The following ARID4B variants were observed in gnomAD, a reference collection of about 807,000 sequenced individuals.
ARID4B encodes the protein AT-rich interaction domain 4B.
In ARID4B, 26 loss-of-function variants were observed where a neutral mutation model predicts 147.5. That is an observed-to-expected ratio of 0.18 (90% CI 0.13 to 0.24). The LOEUF is 0.24. Among genes scored for constraint, ARID4B ranks in the 10% least tolerant of loss-of-function variants. ARID4B has a pLI of 1.00. For synonymous variants in ARID4B, 512 were observed against 507.9 expected (o/e 1.01, Z -0.11); for missense variants, 1,179 against 1,511.5 (o/e 0.78, Z 3.65).
At chr1:235,262,293 A>T (rs1670341393) in intron 2 of ARID4B, among the ~76,000 whole-genome samples, 1 of 152,226 alleles carries the variant, frequency 6.6e-6, no homozygotes, top group Admixed American at 6.5e-5. Flanking sequence ...CAATTATATC[A>T]GACCTCCATA....
chr1:235,168,691 A>G, intron 23 of ARID4B, 39 bp from the exon 24 acceptor site: 1 of 1,590,876 alleles, frequency 6.3e-7, no homozygotes, highest in South Asian at 1.1e-5. Flanking sequence ...CTTAATAAAA[A>G]TTTATGTCTA....
intron 19 of ARID4B, among the ~76,000 whole-genome samples, chr1:235,189,331 C>A (rs1395859666): frequency 7.7e-6 from 1 of 129,414 alleles, no homozygotes; most frequent in African/African-American, 3.0e-5. Flanking sequence ...ACTTGGAGGG[C>A]AGAGATTGCA....
intron 3 of ARID4B, 116 bp from the exon 4 acceptor site, chr1:235,257,341 TACA>T: frequency 2.9e-6 from 2 of 681,516 alleles, no homozygotes; most frequent in East Asian, 2.7e-5. Context: ...GCCTAGTTTA[TACA>T]ACATCCCAAT....
rs191857884 is a variant in ARID4B at position 235,239,210 on chromosome 1, G to A, written c.585+1103C>T. On this transcript the variant is annotated intron_variant, in intron 8 of 23. Coordinates refer to ENST00000264183, the MANE Select transcript of ARID4B (RefSeq NM_016374.6). Reference sequence around the variant, plus strand: ...TGGTCTCGAACTCCTGACCTCAGGGGATTTGCCCACCTCGGCCTCCCAAAG... The same window carrying A: ...TGGTCTCGAACTCCTGACCTCAGGGAATTTGCCCACCTCGGCCTCCCAAAG... Among the ~76,000 whole-genome samples the A allele has an allele frequency of 3.6e-3, 548 of 152,072 alleles. 1 individual carries two copies. The highest frequency in any genetic ancestry group is 5.3e-3 in the Non-Finnish European group (360 of 67,986).
chr1:235,282,978 C>T (rs1465841963), intron 2 of ARID4B, among the ~76,000 whole-genome samples: 1 of 152,104 alleles, frequency 6.6e-6, no homozygotes, highest in East Asian at 1.9e-4. Context: ...GACGGGGTTT[C>T]ACCGTGTTAG....
rs10802438 is a variant in ARID4B, at chr1:235,194,228, A to G, written c.1927-17T>C. On this transcript the variant is annotated splice_polypyrimidine_tract_variant and intron_variant, in intron 18 of 23. Transcript: ENST00000264183. Reference sequence around the variant, plus strand: ...TAATTTATTCTAGGTTAAGAAAAAAAGTATGTCGTAATTTATCATAAGGCA... The same window carrying G: ...TAATTTATTCTAGGTTAAGAAAAAAGGTATGTCGTAATTTATCATAAGGCA... 538,977 of 1,556,494 alleles carry G rather than the reference A, an allele frequency of 0.35. 98,430 individuals carry two copies. Among genetic ancestry groups the G allele is most frequent in the South Asian group, 0.53 (47,679 of 89,530 alleles).
intron 22 of ARID4B, among the ~76,000 whole-genome samples, chr1:235,173,163 G>A (rs1001731563): frequency 6.6e-6 from 1 of 152,104 alleles, no homozygotes; most frequent in Non-Finnish European, 1.5e-5. Flanking sequence ...GGCCAAGATG[G>A]TGAAACCCTG....
intron 6 of ARID4B, among the ~76,000 whole-genome samples, chr1:235,252,347 T>C (rs1376693426): frequency 6.6e-6 from 1 of 152,172 alleles, no homozygotes; most frequent in Non-Finnish European, 1.5e-5. Flanking sequence ...TATCAGCTAA[T>C]AGCAGTAGCA....
At chr1:235,279,854 C>T (rs1671555118) in intron 2 of ARID4B, among the ~76,000 whole-genome samples, 1 of 152,184 alleles carries the variant, frequency 6.6e-6, no homozygotes, top group South Asian at 2.1e-4. Context: ...TAAGGAGCTT[C>T]CCGGGTTGTA....
At chr1:235,267,895 C>T (rs1338029764) in intron 2 of ARID4B, among the ~76,000 whole-genome samples, 3 of 150,712 alleles carry the variant, frequency 2.0e-5, no homozygotes, top group Non-Finnish European at 4.4e-5. Flanking sequence ...CGTGAGACTA[C>T]GTCTCAAAAA....
At chr1:235,217,945 A>AG in intron 16 of ARID4B, among the ~76,000 whole-genome samples, 1 of 152,322 alleles carries the variant, frequency 6.6e-6, no homozygotes, top group East Asian at 1.9e-4. Context: ...TTTCCTATAC[A>AG]TACATACCTC....
Position 235,269,961 on chromosome 1 carries a change from C to G in ARID4B, c.7-9209G>C, listed in dbSNP as rs999342307. ...GTTTTTTGTTTGTCTGTTTTTTTTG[C>G]TGGATTGTAAGAGTTACTGCATATT... On this transcript the variant is annotated intron_variant, in intron 2 of 23. Transcript: ENST00000264183. Among the ~76,000 whole-genome samples the G allele has an allele frequency of 4.6e-5, 7 of 150,604 alleles. No homozygotes were observed. In the East Asian group the frequency reaches 1.4e-3, roughly 29 times the overall value.
chr1:235,312,486 T>C (rs1471542401), intron 2 of ARID4B, among the ~76,000 whole-genome samples: 1 of 152,156 alleles, frequency 6.6e-6, no homozygotes, highest in African/African-American at 2.4e-5. Context: ...CTATGTAATT[T>C]TTAATGTTTA....
intron 22 of ARID4B, among the ~76,000 whole-genome samples, chr1:235,174,629 C>A (rs761367738): frequency 2.0e-4 from 29 of 147,988 alleles, no homozygotes; most frequent in Non-Finnish European, 3.6e-4. Context: ...GGTGAAACCC[C>A]ATGTCTACTA....
At chr1:235,208,279 T>C (rs1402927460) in intron 17 of ARID4B, among the ~76,000 whole-genome samples, 1 of 152,204 alleles carries the variant, frequency 6.6e-6, no homozygotes, top group Non-Finnish European at 1.5e-5. Flanking sequence ...CTTTCAAAAA[T>C]CAATCCCATA....
At chr1:235,282,029 T>C (rs1460156322) in intron 2 of ARID4B, among the ~76,000 whole-genome samples, 10 of 152,302 alleles carry the variant, frequency 6.6e-5, no homozygotes, top group Admixed American at 6.5e-4. Context: ...TACACCATGA[T>C]TCAGAAGGGG....
At chr1:235,219,159 C>G (rs1667283538) in intron 16 of ARID4B, among the ~76,000 whole-genome samples, 2 of 152,106 alleles carry the variant, frequency 1.3e-5, no homozygotes. Flanking sequence ...ACCACCGCAC[C>G]TGGCCTGCTA....
intron 2 of ARID4B, among the ~76,000 whole-genome samples, chr1:235,309,578 C>T (rs1325405421): frequency 9.9e-5 from 15 of 150,772 alleles, no homozygotes; most frequent in East Asian, 8.0e-4. Context: ...CCCGGTCAGC[C>T]GCCCCGTCCG....
At chr1:235,208,718 C>T (rs925120464) in intron 17 of ARID4B, among the ~76,000 whole-genome samples, 6 of 151,514 alleles carry the variant, frequency 4.0e-5, no homozygotes, top group Non-Finnish European at 7.4e-5. Context: ...GTTGGTCAGG[C>T]TGGTCTCGAA....
Sources: gnomAD v4.1 joint callset for allele counts (sites outside exome capture counted in the v4.1 genomes callset) on GRCh38, gnomAD v4.1.1 for gene constraint, MANE v1.5 for transcripts, NCBI Gene and HGNC (gene_info 2026-07-23, HGNC 2026-07-21) for gene names.